The following SIGLEC11 variants were observed in gnomAD, a reference collection of about 807,000 sequenced individuals.
SIGLEC11 encodes the protein sialic acid-binding Ig-like lectin 11.
In SIGLEC11, 47 loss-of-function variants were observed where a neutral mutation model predicts 61.2. That is an observed-to-expected ratio of 0.77 (90% CI 0.61 to 0.98). SIGLEC11 has a LOEUF of 0.98. Among genes scored for constraint, SIGLEC11 ranks in the 50% least tolerant of loss-of-function variants. The pLI, the probability that SIGLEC11 is intolerant of heterozygous loss-of-function variation, is 0.00. For missense variants in SIGLEC11, 610 were observed against 870.3 expected (o/e 0.70, Z 3.76); for synonymous variants, 278 against 373.1 (o/e 0.75, Z 2.94).
At chr19:49,950,483 T>G (rs774056376) in intron 10 of SIGLEC11, among the ~76,000 whole-genome samples, 14 of 152,020 alleles carry the variant, frequency 9.2e-5, no homozygotes, top group Admixed American at 6.6e-4. Context: ...CAATCCAGAC[T>G]CATAAAATCC....
chr19:49,955,921 C>T lies in SIGLEC11; in HGVS notation c.1651+2362G>A, dbSNP rs555811608. On this transcript the variant is annotated intron_variant, in intron 8 of 10. Coordinates refer to ENST00000447370, the MANE Select transcript of SIGLEC11 (RefSeq NM_052884.3). The surrounding 1 kb of genome is among the most constrained non-coding windows in gnomAD (Gnocchi z 4.5). ...CTGCACTCCAGCCAGGGCAACAGAG[C>T]GAGACTCCGTCTCAAAAAAAAAAAA... Among the ~76,000 whole-genome samples the T allele has an allele frequency of 4.8e-4, 68 of 141,242 alleles. No homozygotes were observed. The highest frequency in any genetic ancestry group is 1.6e-3 in the East Asian group (8 of 4,898). 92.7% of individuals were successfully genotyped at this position (141,242 alleles called of 152,430 possible). A position where few individuals can be genotyped will look rare whatever the true frequency, so the allele number is the denominator to read the frequency against.
At chr19:49,959,317 C>T (rs775587153) in intron 5 of SIGLEC11, 43 bp downstream of exon 5, 86 of 1,597,368 alleles carry the variant, frequency 5.4e-5, no homozygotes, top group Non-Finnish European at 7.1e-5. Flanking sequence ...CTGTATCCCT[C>T]TGCCCTCCCA....
chr19:49,956,641 A>C lies in SIGLEC11; in HGVS notation c.1651+1642T>G, dbSNP rs114841842. ...AAAATAAAAATTAAAAAAATTGAAA[A>C]GACACAAATTAACCCCCTGAAAAAA... On this transcript the variant is annotated intron_variant, in intron 8 of 10. Coordinates refer to ENST00000447370, the MANE Select transcript of SIGLEC11 (RefSeq NM_052884.3). 8.3e-3 allele frequency among the ~76,000 whole-genome samples: 1,260 copies of C among 152,332 alleles called. 18 individuals are homozygous for C. The highest frequency in any genetic ancestry group is 0.029 in the African/African-American group (1,212 of 41,564).
rs757243978 is a variant in SIGLEC11 at position 49,949,775 on chromosome 19, G to T, written c.*195C>A. On this transcript the variant is annotated 3_prime_UTR_variant, in exon 11 of 11. Coordinates refer to ENST00000447370, the MANE Select transcript of SIGLEC11 (RefSeq NM_052884.3). ...GAGGCTCACTTCAACCTGGCAGGTT[G>T]AGGCTACAGTGAGCTGAGATTGCAC... is the stretch of plus-strand genomic sequence containing the variant. 33 of 455,892 alleles carry T rather than the reference G, an allele frequency of 7.2e-5. No homozygotes were observed. The highest frequency in any genetic ancestry group is 1.0e-4 in the Non-Finnish European group (29 of 283,564). The allele number at this position is 455,892 out of a possible 1,614,324, so 28.2% of individuals were successfully genotyped here.
intron 8 of SIGLEC11, among the ~76,000 whole-genome samples, chr19:49,956,105 C>T (rs572769109): frequency 5.9e-4 from 90 of 152,234 alleles, no homozygotes; most frequent in Non-Finnish European, 9.3e-4. Flanking sequence ...GGGACTAACA[C>T]GGAAGACCAA....
At position 49,955,912 on chromosome 19, in the gene SIGLEC11, G is replaced by A. The variant is rs1450128171; in HGVS notation, c.1651+2371C>T. On this transcript the variant is annotated intron_variant, in intron 8 of 10. Transcript: ENST00000447370. This position sits in a 1 kb window ranked among gnomAD's most constrained non-coding sequence, Gnocchi z 4.5. ...ATGGCGCCACTGCACTCCAGCCAGG[G>A]CAACAGAGCGAGACTCCGTCTCAAA... Among the ~76,000 whole-genome samples, 1 of 147,230 alleles carries A rather than the reference G, an allele frequency of 6.8e-6. No individual in the cohort carries two copies.
rs780433809 is a variant in SIGLEC11, at chr19:49,958,865, C to T, written c.1141G>A (p.Val381Ile). 18 of 1,604,452 alleles carry T rather than the reference C, an allele frequency of 1.1e-5. No homozygotes were observed. The highest frequency in any genetic ancestry group is 1.5e-5 in the Non-Finnish European group (18 of 1,175,082). ...ENLGNGTSLP[V>I]LEGQSLRLVC... ...AGGCGCAGGCTTTGGCCCTCCAGGA[C>T]CGGGAGGGATGTGCCGTTCCCGAGG... The change falls in exon 7 of 11, where the codon GTC becomes ATC. Residue 381 changes from valine to isoleucine, a missense_variant. Physicochemically the swap from Val to Ile is conservative, Grantham distance 29. Coordinates refer to ENST00000447370, the MANE Select transcript of SIGLEC11 (RefSeq NM_052884.3).
chr19:49,960,080 C>T (rs2076231251), intron 3 of SIGLEC11, 57 bp downstream of exon 3: 1 of 1,452,952 alleles, frequency 6.9e-7, no homozygotes, highest in Non-Finnish European at 9.6e-7. Context: ...CTGGGCTCCT[C>T]CACCTCCCCA....
At position 49,955,932 on chromosome 19, in the gene SIGLEC11, C is replaced by T. The variant is rs1192142163; in HGVS notation, c.1651+2351G>A. Reference sequence around the variant, plus strand: ...CCAGGGCAACAGAGCGAGACTCCGTCTCAAAAAAAAAAAAAAAAAGAACTT... The same window carrying T: ...CCAGGGCAACAGAGCGAGACTCCGTTTCAAAAAAAAAAAAAAAAAGAACTT... On this transcript the variant is annotated intron_variant, in intron 8 of 10. Coordinates refer to ENST00000447370, the MANE Select transcript of SIGLEC11 (RefSeq NM_052884.3). The surrounding 1 kb of genome is among the most constrained non-coding windows in gnomAD (Gnocchi z 4.5). 2.3e-5 allele frequency among the ~76,000 whole-genome samples: 3 copies of T among 132,912 alleles called. No homozygotes were observed. The highest frequency in any genetic ancestry group is 4.3e-3 in the Middle Eastern group (1 of 234). The allele number at this position is 132,912 out of a possible 152,430, so 87.2% of individuals were successfully genotyped here.
rs377397671 is a variant in SIGLEC11, at chr19:49,949,926, G to A, written c.*44C>T. 16 of 1,381,892 alleles carry A rather than the reference G, an allele frequency of 1.2e-5. No individual in the cohort carries two copies. The East Asian group carries it at 1.3e-4, about 12-fold the overall frequency. 85.6% of individuals were successfully genotyped at this position (1,381,892 alleles called of 1,614,324 possible). ...CCAGTTCTGGCCGTCACACCAGTGC[G>A]ACTCCCACACACTTGCTGGTGTCCT... On this transcript the variant is annotated 3_prime_UTR_variant, in exon 11 of 11. Coordinates refer to ENST00000447370, the MANE Select transcript of SIGLEC11 (RefSeq NM_052884.3).
intron 8 of SIGLEC11, among the ~76,000 whole-genome samples, chr19:49,956,122 T>TG (rs2076194334): frequency 6.6e-6 from 1 of 152,112 alleles, no homozygotes; most frequent in South Asian, 2.1e-4. Context: ...CCAATGGCCT[T>TG]GGAAAGCAAA....
rs1262695108 is a variant in SIGLEC11 at position 49,950,168 on chromosome 19, G to A, written c.1899C>T (p.Thr633=). Residue 633 remains threonine, a synonymous_variant, in exon 11 of 11, where the codon ACC becomes ACT. Transcript: ENST00000447370. ...DHPPPGAATY[T]PGKGEEQELH... ...GCTCCTGCTCTTCCCCCTTCCCCGGGGTGTAGGTGGCTGCACCTGGGGGCG... is the reference window on the plus strand; with the variant it reads ...GCTCCTGCTCTTCCCCCTTCCCCGGAGTGTAGGTGGCTGCACCTGGGGGCG... The A allele has an allele frequency of 1.2e-6, 2 of 1,610,004 alleles. No homozygotes were observed. The highest frequency in any genetic ancestry group is 1.7e-6 in the Non-Finnish European group (2 of 1,179,206).
chr19:49,954,136 T>G (rs1418223674), intron 8 of SIGLEC11, among the ~76,000 whole-genome samples: 1 of 152,150 alleles, frequency 6.6e-6, no homozygotes, highest in Non-Finnish European at 1.5e-5. Context: ...AGCAGCTTAT[T>G]GCAAAACACT....
At chr19:49,952,192 G>T in intron 9 of SIGLEC11, 106 bp downstream of exon 9, 1 of 1,254,114 alleles carries the variant, frequency 8.0e-7, no homozygotes, top group Non-Finnish European at 1.1e-6. Context: ...CCAAGGCCTA[G>T]TTCTCACACC....
chr19:49,949,135 C>A lies in SIGLEC11; in HGVS notation c.*835G>T, dbSNP rs1036015256. 2.0e-5 allele frequency: 3 copies of A among 151,138 alleles called. No homozygotes were observed. The highest frequency in any genetic ancestry group is 7.3e-5 in the African/African-American group (3 of 41,034). 9.4% of individuals were successfully genotyped at this position (151,138 alleles called of 1,614,324 possible). On this transcript the variant is annotated 3_prime_UTR_variant, in exon 11 of 11. Coordinates refer to ENST00000447370, the MANE Select transcript of SIGLEC11 (RefSeq NM_052884.3). The stretch of plus-strand genomic sequence containing the variant: ...TCCCGAGTAGCTGGGATTTTAGGCG[C>A]CCGCCACCATGCCCGGCTAATTTTT...
intron 10 of SIGLEC11, among the ~76,000 whole-genome samples, 186 bp from the exon 11 acceptor site, chr19:49,950,422 A>G (rs1343155900): frequency 6.6e-6 from 1 of 152,122 alleles, no homozygotes; most frequent in Non-Finnish European, 1.5e-5. Context: ...TTTGAGAACA[A>G]TAACATCTAG....
chr19:49,953,372 G>T (rs1037236216), intron 8 of SIGLEC11, among the ~76,000 whole-genome samples: 1 of 152,074 alleles, frequency 6.6e-6, no homozygotes, highest in Non-Finnish European at 1.5e-5. Context: ...GACCCAGAGG[G>T]GTTGGGGGCA....
Position 49,958,395 on chromosome 19 carries a change from C to A in SIGLEC11, c.1539G>T (p.Trp513Cys), listed in dbSNP as rs751470929. ...CATGGAGGCTCAGGGAGCTGTTGGC[C>A]CAGGGCCCGGCTGAGCTGGGGGTGA... ...FEVTPSSAGP[W>C]ANSSLSLHGG... Residue 513 changes from tryptophan (W) to cysteine (C), a missense_variant, in exon 8 of 11, where the codon TGG (tryptophan) becomes TGT (cysteine). Transcript: ENST00000447370. 110 of 1,614,114 alleles carry A rather than the reference C, an allele frequency of 6.8e-5. No individual in the cohort carries two copies. The highest frequency in any genetic ancestry group is 9.2e-5 in the Non-Finnish European group (109 of 1,180,012).
intron 8 of SIGLEC11, among the ~76,000 whole-genome samples, chr19:49,956,766 T>A (rs938590384): frequency 6.6e-6 from 1 of 152,178 alleles, no homozygotes; most frequent in Non-Finnish European, 1.5e-5. Context: ...TTGCAGGCAG[T>A]ACTTGAAATC....
Sources: allele counts gnomAD v4.1 joint callset (sites outside exome capture counted in the v4.1 genomes callset), GRCh38; gene constraint gnomAD v4.1.1; non-coding constraint Gnocchi (gnomAD v3.1); transcripts MANE v1.5; gene names NCBI Gene and HGNC (gene_info 2026-07-23, HGNC 2026-07-21).